Variants in RORA observed in about 807,000 individuals in gnomAD.
RORA encodes the protein nuclear receptor ROR-alpha.
A neutral mutation model predicts 69.5 loss-of-function variants in RORA; 7 were observed. The ratio of observed to expected loss-of-function variants is 0.10; its 90% CI spans 0.06 to 0.19. The LOEUF (loss-of-function observed/expected upper bound fraction) is 0.19. Ranked by LOEUF, RORA falls within the 10% of genes least tolerant of loss-of-function variation. RORA has a pLI of 1.00. For missense variants in RORA, 457 were observed against 663.0 expected, an observed-to-expected ratio of 0.69 and a Z score of 3.41; for synonymous variants, 261 against 240.8, an observed-to-expected ratio of 1.08 and a Z score of -0.78.
intron 1 of RORA, among the ~76,000 whole-genome samples, chr15:60,969,799 C>T (rs1331371647): frequency 6.6e-6 from 1 of 152,196 alleles, no homozygotes; most frequent in Non-Finnish European, 1.5e-5. Flanking sequence ...TGCAACCTTG[C>T]ACTAGTTTCC....
At chr15:60,847,690 TA>T (rs2073280884) in intron 1 of RORA, 1 of 152,230 alleles carries the variant, frequency 6.6e-6, no homozygotes, top group African/African-American at 2.4e-5. Context: ...AAAATGAATA[TA>T]AAATATCGTA....
intron 2 of RORA, among the ~76,000 whole-genome samples, chr15:60,577,260 T>C (rs1447676548): frequency 2.0e-5 from 3 of 152,236 alleles, no homozygotes; most frequent in Non-Finnish European, 4.4e-5. Context: ...TTGTGCTTTG[T>C]CATACAATTT....
At chr15:60,714,349 G>A (rs555615696) in intron 1 of RORA, among the ~76,000 whole-genome samples, 14 of 151,484 alleles carry the variant, frequency 9.2e-5, no homozygotes, top group African/African-American at 2.7e-4. Flanking sequence ...GTGAGCCACC[G>A]CATCTGGCCA....
chr15:60,556,811 A>C, intron 2 of RORA: 1 of 1,466,380 alleles, frequency 6.8e-7, no homozygotes, highest in Non-Finnish European at 9.5e-7. Flanking sequence ...AGCCTTCGTA[A>C]ATGAAGAAAC....
At position 60,494,692 on chromosome 15, in the gene RORA, T is replaced by C. The variant is rs1323317158; in HGVS notation, c.*2763A>G. 2 of 152,234 alleles carry C rather than the reference T, an allele frequency of 1.3e-5. No homozygotes were observed. The highest frequency in any genetic ancestry group is 2.9e-5 in the Non-Finnish European group (2 of 68,030). The allele number at this position is 152,234 out of a possible 1,614,324, so 9.4% of individuals were successfully genotyped here. ...CTCTGTCTACAATTCCATCCTATTA[T>C]GTCAATCAGTGGACTTGGCTCTTAA... is the stretch of plus-strand genomic sequence containing the variant. On this transcript the variant is annotated 3_prime_UTR_variant, in exon 11 of 11. Coordinates refer to ENST00000335670, the MANE Select transcript of RORA (RefSeq NM_134261.3).
chr15:61,184,373 C>A (rs920020109), intron 1 of RORA, among the ~76,000 whole-genome samples: 1 of 152,142 alleles, frequency 6.6e-6, no homozygotes, highest in Non-Finnish European at 1.5e-5. Context: ...ATCATCTCCT[C>A]CAGGAAGCCC....
At chr15:61,219,429 T>C (rs981282848) in intron 1 of RORA, among the ~76,000 whole-genome samples, 26 of 152,166 alleles carry the variant, frequency 1.7e-4, no homozygotes, top group African/African-American at 5.5e-4. Context: ...AAAAAAATCA[T>C]CTGGGCGCGG....
intron 1 of RORA, among the ~76,000 whole-genome samples, chr15:60,751,814 G>C (rs1024953216): frequency 1.3e-5 from 2 of 152,096 alleles, no homozygotes; most frequent in Non-Finnish European, 2.9e-5. Flanking sequence ...CAGAGCTGAG[G>C]AACAAAAACA....
intron 1 of RORA, among the ~76,000 whole-genome samples, chr15:61,058,218 A>C (rs1377885904): frequency 6.6e-6 from 1 of 152,124 alleles, no homozygotes; most frequent in Non-Finnish European, 1.5e-5. Flanking sequence ...TAGAAAGGTG[A>C]CTTTTAGATG....
At chr15:60,807,102 G>A (rs987556131) in intron 1 of RORA, among the ~76,000 whole-genome samples, 5 of 152,032 alleles carry the variant, frequency 3.3e-5, no homozygotes, top group African/African-American at 1.2e-4. Flanking sequence ...CATCCAAATC[G>A]GTAAAGAGGA....
intron 1 of RORA, among the ~76,000 whole-genome samples, chr15:61,108,587 G>A (rs1271902058): frequency 1.3e-5 from 2 of 152,188 alleles, no homozygotes; most frequent in African/African-American, 4.8e-5. Context: ...AACATTTACT[G>A]TATGGCCATT....
chr15:61,112,221 G>A (rs947501580), intron 1 of RORA, among the ~76,000 whole-genome samples: 18 of 152,138 alleles, frequency 1.2e-4, no homozygotes, highest in African/African-American at 3.9e-4. Context: ...AATAAAAAAT[G>A]GAGCTTGCAT....
chr15:60,762,615 C>T (rs760303557), intron 1 of RORA, among the ~76,000 whole-genome samples: 5 of 152,120 alleles, frequency 3.3e-5, no homozygotes, highest in African/African-American at 4.8e-5. Flanking sequence ...GTTGCTTATA[C>T]ACATATTTAC....
intron 4 of RORA, among the ~76,000 whole-genome samples, chr15:60,513,894 A>G (rs1239315217): frequency 6.6e-6 from 1 of 152,220 alleles, no homozygotes. Flanking sequence ...CAGCTGGTAT[A>G]TTTGGAAAAA....
At chr15:60,830,747 C>T (rs2073031654) in intron 1 of RORA, among the ~76,000 whole-genome samples, 1 of 152,124 alleles carries the variant, frequency 6.6e-6, no homozygotes, top group Non-Finnish European at 1.5e-5. Context: ...TGTTTATTCT[C>T]TTAAAATTGG....
intron 2 of RORA, among the ~76,000 whole-genome samples, chr15:60,651,559 A>G (rs1438163273): frequency 6.6e-6 from 1 of 152,148 alleles, no homozygotes; most frequent in African/African-American, 2.4e-5. Context: ...TTTTGATTAC[A>G]CAAAACATGC....
chr15:60,959,611 T>C (rs1320771419), intron 1 of RORA, among the ~76,000 whole-genome samples: 1 of 152,192 alleles, frequency 6.6e-6, no homozygotes, highest in East Asian at 1.9e-4. Flanking sequence ...ACCGTGCTAA[T>C]GGGAGCATAT....
rs1235876145 is a variant in RORA, at chr15:61,195,001, TA to T, written c.166+34051del. Among the ~76,000 whole-genome samples the T allele has an allele frequency of 1.1e-4, 16 of 151,588 alleles. No homozygotes were observed. In the East Asian group the frequency reaches 3.1e-3, roughly 29 times the overall value. On this transcript the variant is annotated intron_variant, in intron 1 of 10. Coordinates refer to ENST00000335670, the MANE Select transcript of RORA (RefSeq NM_134261.3). ...AAAGCCCTTTAGTTGCTGTTGTTGT[TA>T]ATAATAATAATATTGTTAATGTTGT... is the stretch of plus-strand genomic sequence containing the variant.
intron 1 of RORA, among the ~76,000 whole-genome samples, chr15:60,895,996 T>G (rs1891222908): frequency 6.6e-6 from 1 of 152,256 alleles, no homozygotes; most frequent in Non-Finnish European, 1.5e-5. Flanking sequence ...GCACACATTT[T>G]AATTCCATCA....
Sources: allele counts gnomAD v4.1 joint callset (sites outside exome capture counted in the v4.1 genomes callset), GRCh38; gene constraint gnomAD v4.1.1; transcripts MANE v1.5; gene names NCBI Gene and HGNC (gene_info 2026-07-23, HGNC 2026-07-21).